ZNF385D: variants seen among roughly 807,000 people sequenced by gnomAD.
ZNF385D encodes zinc finger protein 659.
Under a neutral mutation model 35.8 loss-of-function variants are expected in ZNF385D, and 15 were observed. The observed-to-expected ratio is 0.42, with a 90% CI of 0.28 to 0.64. The LOEUF (loss-of-function observed/expected upper bound fraction) is 0.64, where lower values mean the gene tolerates loss of function less well. Ranked by LOEUF, ZNF385D falls within the 30% of genes least tolerant of loss-of-function variation. The pLI, the probability that ZNF385D is intolerant of heterozygous loss-of-function variation, is 0.23. For missense variants in ZNF385D, 474 were observed against 494.6 expected (o/e 0.96, Z 0.39); for synonymous variants, 212 against 186.8 (o/e 1.13, Z -1.10).
At chr3:22,062,164 A>T (rs2125543634) in intron 3 of ZNF385D, among the ~76,000 whole-genome samples, 1 of 152,166 alleles carries the variant, frequency 6.6e-6, no homozygotes, top group East Asian at 1.9e-4. Context: ...CAACCTCCCA[A>T]ATAGCTGGGA....
At chr3:22,245,305 C>G (rs953559666) in intron 2 of ZNF385D, among the ~76,000 whole-genome samples, 4 of 152,040 alleles carry the variant, frequency 2.6e-5, no homozygotes, top group Non-Finnish European at 4.4e-5. Flanking sequence ...CCTCAGCATT[C>G]CTACCATATG....
chr3:21,439,841 A>G (rs540418237), intron 4 of ZNF385D, among the ~76,000 whole-genome samples: 2 of 152,216 alleles, frequency 1.3e-5, no homozygotes, highest in South Asian at 2.1e-4. Flanking sequence ...AGTTCCTTGC[A>G]TGAGACAGGC....
At chr3:21,729,530 G>A (rs939201356) in intron 1 of ZNF385D, among the ~76,000 whole-genome samples, 1 of 152,080 alleles carries the variant, frequency 6.6e-6, no homozygotes, top group East Asian at 1.9e-4. Context: ...TAGAATTGAG[G>A]TTTCTCTCTC....
At chr3:21,628,250 A>G (rs2065188698) in intron 2 of ZNF385D, among the ~76,000 whole-genome samples, 1 of 152,124 alleles carries the variant, frequency 6.6e-6, no homozygotes, top group South Asian at 2.1e-4. Context: ...GTGGCATTTC[A>G]TTGTCAGATG....
chr3:21,816,467 G>A (rs996603775), intron 3 of ZNF385D, among the ~76,000 whole-genome samples: 1 of 152,158 alleles, frequency 6.6e-6, no homozygotes, highest in African/African-American at 2.4e-5. Flanking sequence ...AAGCTGTTAA[G>A]CAACTTCAGC....
intron 2 of ZNF385D, among the ~76,000 whole-genome samples, chr3:22,206,275 T>C (rs1329238297): frequency 6.6e-6 from 1 of 151,916 alleles, no homozygotes; most frequent in African/African-American, 2.4e-5. Flanking sequence ...CACCCAGATA[T>C]ATAAAGCAAA....
At chr3:22,338,583 C>A (rs1695275478) in intron 2 of ZNF385D, among the ~76,000 whole-genome samples, 1 of 151,630 alleles carries the variant, frequency 6.6e-6, no homozygotes, top group Non-Finnish European at 1.5e-5. Flanking sequence ...TATGTCTTAT[C>A]TTTTCTATTC....
At chr3:21,606,905 T>TG (rs146036608) in intron 2 of ZNF385D, among the ~76,000 whole-genome samples, 4,364 of 152,302 alleles carry the variant, frequency 0.029, 118 homozygotes, top group South Asian at 0.12. Context: ...TGCAAATGGA[T>TG]GAAGTTCTTA....
chr3:21,600,609 A>G (rs1324259972), intron 2 of ZNF385D, among the ~76,000 whole-genome samples: 4 of 152,236 alleles, frequency 2.6e-5, no homozygotes, highest in African/African-American at 9.6e-5. Flanking sequence ...TCTTGAATGC[A>G]AATTTAAAGC....
intron 3 of ZNF385D, among the ~76,000 whole-genome samples, chr3:22,116,158 A>G (rs989528644): frequency 2.2e-4 from 33 of 152,158 alleles, no homozygotes; most frequent in African/African-American, 7.5e-4. Context: ...TTTTATAATA[A>G]TATGTATTTA....
In ZNF385D at chr3:21,425,447, G is replaced by T. The variant is rs775373183; in HGVS notation, c.852+45C>A. The T allele has an allele frequency of 1.9e-4, 293 of 1,526,534 alleles. 2 individuals carry two copies. Among genetic ancestry groups the T allele is most frequent in the Non-Finnish European group, 1.9e-5 (21 of 1,130,724 alleles). 94.6% of individuals were successfully genotyped at this position (1,526,534 alleles called of 1,614,324 possible). On this transcript the variant is annotated intron_variant, in intron 6 of 7. Transcript: ENST00000281523. ...GGAAGCACACACATCCTGCTTATAAGGCTGTCCCTTGTTGGTTTTCATTCC... is the reference window on the plus strand; with the variant it reads ...GGAAGCACACACATCCTGCTTATAATGCTGTCCCTTGTTGGTTTTCATTCC...
chr3:21,422,843 T>A (rs1385774420), intron 7 of ZNF385D, among the ~76,000 whole-genome samples: 3 of 152,104 alleles, frequency 2.0e-5, no homozygotes, highest in African/African-American at 7.2e-5. Flanking sequence ...CATCTCAAAA[T>A]AATAAGAGCC....
In ZNF385D at chr3:21,986,669, A is replaced by C. The variant is rs1425080832; in HGVS notation, c.325+182148T>G. Among the ~76,000 whole-genome samples the C allele has an allele frequency of 3.5e-5, 5 of 142,754 alleles. 1 individual carries two copies. Among genetic ancestry groups the C allele is most frequent in the South Asian group, 2.2e-4 (1 of 4,486 alleles). 93.7% of individuals were successfully genotyped at this position (142,754 alleles called of 152,430 possible). On this transcript the variant is annotated intron_variant, in intron 3 of 5. Transcript: ENST00000494108. ...GTTGATTTGGGGTGGAGAGTTCTGT[A>C]GATGTCTATTAGGTCCGCTTGGTGC...
At chr3:21,525,297 A>G (rs1229227264) in intron 3 of ZNF385D, among the ~76,000 whole-genome samples, 1 of 152,164 alleles carries the variant, frequency 6.6e-6, no homozygotes, top group African/African-American at 2.4e-5. Context: ...TGAGGAAGAA[A>G]TGCCAAACAG....
intron 3 of ZNF385D, among the ~76,000 whole-genome samples, chr3:21,925,266 C>T (rs1206635595): frequency 1.3e-5 from 2 of 152,082 alleles, no homozygotes; most frequent in East Asian, 3.9e-4. Context: ...GCTATGACAA[C>T]CAAGGTTGTT....
At chr3:21,972,149 TAC>T (rs1364397029) in intron 3 of ZNF385D, among the ~76,000 whole-genome samples, 2 of 152,036 alleles carry the variant, frequency 1.3e-5, no homozygotes, top group African/African-American at 2.4e-5. Flanking sequence ...CTGCAGAATA[TAC>T]ATTCTTTTTC....
intron 2 of ZNF385D, among the ~76,000 whole-genome samples, chr3:22,183,407 G>A (rs1236287010): frequency 1.3e-5 from 2 of 152,014 alleles, no homozygotes. Flanking sequence ...CTGGAGTGCA[G>A]TGTGCAGTGG....
intron 2 of ZNF385D, among the ~76,000 whole-genome samples, chr3:22,218,685 TGA>T (rs1282317240): frequency 6.6e-6 from 1 of 152,112 alleles, no homozygotes; most frequent in Non-Finnish European, 1.5e-5. Flanking sequence ...TCTTCACTCT[TGA>T]TAGACTCTGG....
chr3:21,674,862 G>A (rs531175748), intron 1 of ZNF385D, among the ~76,000 whole-genome samples: 4 of 152,076 alleles, frequency 2.6e-5, no homozygotes, highest in East Asian at 3.9e-4. Flanking sequence ...GAGGTTCCTG[G>A]TATCTATTAA....
Sources: allele counts gnomAD v4.1 joint callset (sites outside exome capture counted in the v4.1 genomes callset), GRCh38; gene constraint gnomAD v4.1.1; transcripts MANE v1.5; gene names NCBI Gene and HGNC (gene_info 2026-07-23, HGNC 2026-07-21).